VPS53: variants seen among roughly 807,000 people sequenced by gnomAD.
VPS53 encodes the protein vacuolar protein sorting-associated protein 53 homolog.
VPS53 carries 70 observed loss-of-function variants against 107.0 expected under a neutral mutation model. The ratio of observed to expected loss-of-function variants is 0.65; its 90% CI spans 0.54 to 0.80. The LOEUF is 0.80. VPS53 is among the 30% of genes least tolerant of loss of function. VPS53 has a pLI of 0.00. For synonymous variants in VPS53, 409 were observed against 393.3 expected, an observed-to-expected ratio of 1.04 and a Z score of -0.47; for missense variants, 917 against 1,049.4, an observed-to-expected ratio of 0.87 and a Z score of 1.74.
Position 601,837 on chromosome 17 carries a change from T to G in VPS53, c.1176A>C (p.Pro392=), listed in dbSNP as rs1968340729. 3.7e-6 allele frequency: 6 copies of G among 1,602,828 alleles called. No individual in the cohort carries two copies. The highest frequency in any genetic ancestry group is 5.1e-6 in the Non-Finnish European group (6 of 1,174,214). ...TCTCCGTTGCCAGTTCCTCCATCTC[T>G]GGTGTTGGCTCATCTTCCAGGAAGG... The part of the protein sequence containing the change: ...TNPFLEDEPT[P]EMEELATEKG... Residue 392 remains proline (P), a synonymous_variant, in exon 12 of 22, where the codon CCA becomes CCC. Coordinates refer to ENST00000437048, the MANE Select transcript of VPS53 (RefSeq NM_001128159.3).
In VPS53 at chr17:510,265, G is replaced by T. The variant is rs549433687; in HGVS notation, c.*8863C>A. 1 of 126,464 alleles carries T rather than the reference G, an allele frequency of 7.9e-6. No individual in the cohort carries two copies. Among genetic ancestry groups the T allele is most frequent in the Non-Finnish European group, 1.5e-5 (1 of 68,388 alleles). 7.8% of individuals were successfully genotyped at this position (126,464 alleles called of 1,614,324 possible). A position where few individuals can be genotyped will look rare whatever the true frequency, so the allele number is the denominator to read the frequency against. On this transcript the variant is annotated 3_prime_UTR_variant, in exon 22 of 22. Coordinates refer to ENST00000437048, the MANE Select transcript of VPS53 (RefSeq NM_001128159.3). The stretch of plus-strand genomic sequence containing the variant: ...CTCACCAGTCACATATCAAATCCTG[G>T]CTCGCCCCTCACTAGTCACATATCA...
chr17:664,659 G>C (rs1971602524), intron 4 of VPS53, among the ~76,000 whole-genome samples: 1 of 152,192 alleles, frequency 6.6e-6, no homozygotes. Context: ...GCTGCTGTGT[G>C]GCAAAGGGGC....
intron 4 of VPS53, among the ~76,000 whole-genome samples, chr17:667,065 T>C (rs530598479): frequency 6.6e-6 from 1 of 152,338 alleles, no homozygotes; most frequent in South Asian, 2.1e-4. Context: ...CCACAAATGA[T>C]GGCCTGTGGG....
rs898195940 is a variant in VPS53 at position 517,576 on chromosome 17, G to T, written c.*1552C>A. 3.3e-5 allele frequency: 13 copies of T among 395,600 alleles called. No individual in the cohort carries two copies. The highest frequency in any genetic ancestry group is 2.5e-4 in the African/African-American group (12 of 48,548). The allele number at this position is 395,600 out of a possible 1,614,324, so 24.5% of individuals were successfully genotyped here. A position where few individuals can be genotyped will look rare whatever the true frequency, so the allele number is the denominator to read the frequency against. On this transcript the variant is annotated 3_prime_UTR_variant, in exon 22 of 22. Transcript: ENST00000437048. Reference sequence around the variant, plus strand: ...GCTCTGTCACCCAGGCTGGAGTGCAGTGGTGAAATCTTGGCTCACTGCAGC... The same window carrying T: ...GCTCTGTCACCCAGGCTGGAGTGCATTGGTGAAATCTTGGCTCACTGCAGC...
In VPS53 at chr17:653,349, C is replaced by T. The variant is rs373600645; in HGVS notation, c.550G>A (p.Val184Ile). The T allele has an allele frequency of 9.3e-6, 15 of 1,614,126 alleles. No homozygotes were observed. Among genetic ancestry groups the T allele is most frequent in the Non-Finnish European group, 1.3e-5 (15 of 1,180,058 alleles). ...VANLLQGVMN[V>I]LEHFHKYMGI... is the part of the protein sequence containing the mutation. ...ATATACTTGTGGAAGTGCTCCAGGA[C>T]ATTCATCACACCCTGAAGGAGATTA... is the stretch of plus-strand genomic sequence containing the variant. Residue 184 changes from valine (V) to isoleucine (I), a missense_variant, in exon 7 of 22, where the codon GTC (valine) becomes ATC (isoleucine). Transcript: ENST00000437048.
At chr17:714,095 G>C (rs1477259441) in intron 1 of VPS53, 1 of 151,680 alleles carries the variant, frequency 6.6e-6, no homozygotes, top group East Asian at 1.9e-4. Flanking sequence ...CCCCTTGGGA[G>C]TATTCTCCAA....
At chr17:682,783 G>A (rs1386436190) in intron 4 of VPS53, among the ~76,000 whole-genome samples, 1 of 151,726 alleles carries the variant, frequency 6.6e-6, no homozygotes, top group Non-Finnish European at 1.5e-5. Flanking sequence ...GAAAGGAAAA[G>A]CACCCATTGT....
chr17:666,493 G>A (rs1056044128), intron 4 of VPS53, among the ~76,000 whole-genome samples: 2 of 152,046 alleles, frequency 1.3e-5, no homozygotes, highest in African/African-American at 4.8e-5. Flanking sequence ...ATGAAACCCT[G>A]TCTCTACTCA....
intron 3 of VPS53, among the ~76,000 whole-genome samples, chr17:697,776 T>A (rs1973036131): frequency 6.6e-6 from 1 of 152,146 alleles, no homozygotes; most frequent in South Asian, 2.1e-4. Context: ...TTTCATGGAG[T>A]ACATCAGGAA....
chr17:608,790 A>T (rs924669002), intron 11 of VPS53, among the ~76,000 whole-genome samples: 11 of 150,246 alleles, frequency 7.3e-5, no homozygotes, highest in African/African-American at 2.4e-4. Context: ...TCATTTTAAA[A>T]TTTTTTTTTA....
At position 511,339 on chromosome 17, in the gene VPS53, G is replaced by C. The variant is rs1907929632; in HGVS notation, c.*7789C>G. ...AATACTTTTCTTGGCCCTGGAAGTA[G>C]AGGGAAGTTTGTTGAGAAGCTGTTC... On this transcript the variant is annotated 3_prime_UTR_variant, in exon 22 of 22. Coordinates refer to ENST00000437048, the MANE Select transcript of VPS53 (RefSeq NM_001128159.3). 6.6e-6 allele frequency: 1 copy of C among 152,174 alleles called. No homozygotes were observed. Among genetic ancestry groups the C allele is most frequent in the Non-Finnish European group, 1.5e-5 (1 of 68,026 alleles). 9.4% of individuals were successfully genotyped at this position (152,174 alleles called of 1,614,324 possible).
intron 17 of VPS53, chr17:537,780 T>C (rs1910214622): frequency 1.3e-5 from 2 of 152,330 alleles, no homozygotes; most frequent in African/African-American, 4.8e-5. Flanking sequence ...ACATAGAGGC[T>C]GACCACACTG....
chr17:541,812 A>ACCAGGGG (rs1910701365), intron 17 of VPS53, among the ~76,000 whole-genome samples: 2 of 147,544 alleles, frequency 1.4e-5, no homozygotes, highest in African/African-American at 5.1e-5. Flanking sequence ...CCTACCACGC[A>ACCAGGGG]CTGAAGGAAC....
intron 13 of VPS53, among the ~76,000 whole-genome samples, chr17:573,717 A>G (rs1032265629): frequency 2.6e-5 from 4 of 152,216 alleles, no homozygotes; most frequent in African/African-American, 9.6e-5. Context: ...AGCTAGGAGC[A>G]TGCTCAAGGT....
At chr17:555,580 C>T (rs994631859) in intron 15 of VPS53, among the ~76,000 whole-genome samples, 1 of 152,124 alleles carries the variant, frequency 6.6e-6, no homozygotes, top group Non-Finnish European at 1.5e-5. Flanking sequence ...GGTGATCCAC[C>T]CACCTCGGCC....
rs1342733871 is a variant in VPS53 at position 512,861 on chromosome 17, A to C, written c.*6267T>G. ...CAAAACGTCCATCCAGCTACTAAGG[A>C]AACAGGATGGACTCATGCGTGCAGG... On this transcript the variant is annotated 3_prime_UTR_variant, in exon 22 of 22. Coordinates refer to ENST00000437048, the MANE Select transcript of VPS53 (RefSeq NM_001128159.3). 6.6e-6 allele frequency: 1 copy of C among 152,254 alleles called. No homozygotes were observed. Among genetic ancestry groups the C allele is most frequent in the Non-Finnish European group, 1.5e-5 (1 of 68,072 alleles). The allele number at this position is 152,254 out of a possible 1,614,324, so 9.4% of individuals were successfully genotyped here.
chr17:666,423 G>A (rs1971688049), intron 4 of VPS53, among the ~76,000 whole-genome samples: 1 of 152,218 alleles, frequency 6.6e-6, no homozygotes, highest in South Asian at 2.1e-4. Context: ...CAGCACTTTG[G>A]GAGGCCAGGG....
chr17:673,179 T>A (rs1972034404), intron 4 of VPS53, among the ~76,000 whole-genome samples: 1 of 149,648 alleles, frequency 6.7e-6, no homozygotes, highest in East Asian at 1.9e-4. Context: ...CAGGAGGTCC[T>A]CCAGAGAGCA....
chr17:587,992 C>T (rs1967414583), intron 12 of VPS53, among the ~76,000 whole-genome samples: 1 of 152,268 alleles, frequency 6.6e-6, no homozygotes, highest in Admixed American at 6.5e-5. Flanking sequence ...AAGCCTCCTC[C>T]CACCCCTGTT....
Sources: allele counts gnomAD v4.1 joint callset (sites outside exome capture counted in the v4.1 genomes callset), GRCh38; gene constraint gnomAD v4.1.1; transcripts MANE v1.5; gene names NCBI Gene and HGNC (gene_info 2026-07-23, HGNC 2026-07-21).